Variants in DNAH17 observed in about 807,000 individuals in gnomAD.
The protein encoded by DNAH17 is dynein axonemal heavy chain 17, also known as axonemal beta dynein heavy chain 17.
Under a neutral mutation model 485.6 loss-of-function variants are expected in DNAH17, and 376 were observed. The ratio of observed to expected loss-of-function variants is 0.77; its 90% CI spans 0.71 to 0.84. The LOEUF (loss-of-function observed/expected upper bound fraction) is 0.84, where lower values mean the gene tolerates loss of function less well. Among genes scored for constraint, DNAH17 ranks in the 40% least tolerant of loss-of-function variants. The pLI is 0.00. For synonymous variants in DNAH17, 3,031 were observed against 2,405.9 expected, an observed-to-expected ratio of 1.26 and a Z score of -7.60; for missense variants, 6,370 against 5,839.3, an observed-to-expected ratio of 1.09 and a Z score of -2.96.
At chr17:78,468,198 A>G (rs756325620) in intron 55 of DNAH17, among the ~76,000 whole-genome samples, 6 of 152,122 alleles carry the variant, frequency 3.9e-5, no homozygotes, top group Non-Finnish European at 8.8e-5. Context: ...ATAAAAATAT[A>G]GTATAACAAC....
rs767925723 is a variant in DNAH17 at position 78,459,082 on chromosome 17, G to A, written c.9780C>T (p.Pro3260=). The A allele has an allele frequency of 3.7e-6, 6 of 1,614,018 alleles. No individual in the cohort carries two copies. The highest frequency in any genetic ancestry group is 1.7e-5 in the Admixed American group (1 of 60,028). ...RFYEVYCDVA[P]KRQALEEANA... is the part of the protein sequence containing the mutation. ...TAGCCTCCTCCAGTGCCTGCCTCTT[G>A]GGCGCCACGTCGCAGTAGACCTCGT... The change falls in exon 61 of 81, where the codon CCC becomes CCT. Residue 3260 remains proline, a synonymous_variant. Transcript: ENST00000389840.
intron 14 of DNAH17, among the ~76,000 whole-genome samples, chr17:78,556,349 C>G (rs2092023167): frequency 6.6e-6 from 1 of 152,224 alleles, no homozygotes; most frequent in East Asian, 1.9e-4. Context: ...GACAAGGAGA[C>G]AGACCATCCC....
rs745520605 is a variant in DNAH17, at chr17:78,530,368, G to C, written c.3259C>G (p.His1087Asp). ...IRRWGFMFKR[H>D]LSNHVTNSLA... ...CTGTTGGTGACGTGGTTGCTCAGGT[G>C]CCGCTTGAACATGAAGCCCCAGCGC... Residue 1087 changes from histidine to aspartate, a missense_variant, in exon 21 of 81, where the codon CAC becomes GAC. His to Asp is a moderately conservative substitution (Grantham distance 81). Transcript: ENST00000389840. 2 of 1,611,516 alleles carry C rather than the reference G, an allele frequency of 1.2e-6. No individual in the cohort carries two copies.
In DNAH17 at chr17:78,514,769, G is replaced by T; in HGVS notation, c.4113+5C>A. The T allele has an allele frequency of 6.2e-7, 1 of 1,613,312 alleles. No homozygotes were observed. The highest frequency in any genetic ancestry group is 8.5e-7 in the Non-Finnish European group (1 of 1,179,534). On this transcript the variant is annotated splice_donor_5th_base_variant and intron_variant, in intron 26 of 80. Transcript: ENST00000389840. The stretch of plus-strand genomic sequence containing the variant: ...GTCCCCTCCGCCCACCATGGTGCAT[G>T]GTACCTGGGTGGCCTGCATGAGCTG...
chr17:78,558,376 G>A, intron 13 of DNAH17, 122 bp from the exon 14 acceptor site: 1 of 1,229,220 alleles, frequency 8.1e-7, no homozygotes, highest in South Asian at 1.6e-5. Context: ...TCTCAAAGTT[G>A]GTGGGAGGCA....
chr17:78,528,681 C>T (rs868171110), intron 22 of DNAH17, among the ~76,000 whole-genome samples: 9 of 152,092 alleles, frequency 5.9e-5, no homozygotes, highest in Non-Finnish European at 1.2e-4. Context: ...CACACCTAGA[C>T]GTGGCTGGGA....
At chr17:78,527,095 G>C in intron 22 of DNAH17, 99 bp from the exon 23 acceptor site, 1 of 1,055,682 alleles carries the variant, frequency 9.5e-7, no homozygotes. Context: ...TGCAAAAACA[G>C]TGCAGGGGCC....
At chr17:78,563,555 C>T (rs1399661273) in intron 11 of DNAH17, among the ~76,000 whole-genome samples, 4 of 152,146 alleles carry the variant, frequency 2.6e-5, no homozygotes, top group South Asian at 2.1e-4. Flanking sequence ...TTTGAGGGGC[C>T]GAGGCGGGAG....
chr17:78,500,630 T>G (rs1313159396), intron 35 of DNAH17, 169 bp from the exon 36 acceptor site: 1 of 582,858 alleles, frequency 1.7e-6, no homozygotes, highest in African/African-American at 2.0e-5. Context: ...TGCCTCAGCC[T>G]CCCAAGTAGC....
chr17:78,559,939 T>C (rs1357110605), intron 13 of DNAH17, among the ~76,000 whole-genome samples: 1 of 152,128 alleles, frequency 6.6e-6, no homozygotes, highest in Non-Finnish European at 1.5e-5. Flanking sequence ...TCAGCGGCAC[T>C]CTGACCTCCC....
rs893635480 is a variant in DNAH17 at position 78,451,367 on chromosome 17, A to G, written c.10734+102T>C. On this transcript the variant is annotated intron_variant, in intron 66 of 80. Transcript: ENST00000389840. ...GGCACCTTCAGAGAGAAGCAACGAC[A>G]CACACTGGACTGGCAGCCCTGGTCG... 2.6e-5 allele frequency: 28 copies of G among 1,094,172 alleles called. No homozygotes were observed. In the African/African-American group the frequency reaches 3.8e-4, roughly 15 times the overall value. 67.8% of individuals were successfully genotyped at this position (1,094,172 alleles called of 1,614,324 possible). A position where few individuals can be genotyped will look rare whatever the true frequency, so the allele number is the denominator to read the frequency against.
chr17:78,571,333 C>T lies in DNAH17; in HGVS notation c.778G>A (p.Ala260Thr). 1 of 1,613,948 alleles carries T rather than the reference C, an allele frequency of 6.2e-7. No homozygotes were observed. The highest frequency in any genetic ancestry group is 8.5e-7 in the Non-Finnish European group (1 of 1,179,856). The change falls in exon 5 of 81, where the codon GCC (alanine) becomes ACC (threonine). Residue 260 changes from alanine to threonine, a missense_variant. Physicochemically the swap from Ala to Thr is moderately conservative, Grantham distance 58. Coordinates refer to ENST00000389840, the MANE Select transcript of DNAH17 (RefSeq NM_173628.4). ...VNKIVEILEK[A>T]KSCYWPALQN... The stretch of plus-strand genomic sequence containing the variant: ...AGGGCTGGCCAGTAGCAGCTTTTGG[C>T]TTTCTCTAGGATCTCAACAATCTTG...
chr17:78,529,538 C>T lies in DNAH17; in HGVS notation c.3441G>A (p.Lys1147=), dbSNP rs775946961. The change falls in exon 22 of 81, where the codon AAG becomes AAA. Residue 1147 remains lysine, a synonymous_variant. Coordinates refer to ENST00000389840, the MANE Select transcript of DNAH17 (RefSeq NM_173628.4). ...AGGTCTTGAGCAGCTCGATGGTTTG[C>T]TTCAGGGGCTCAAACATGTTGTCGG... ...AATDNMFEPL[K]QTIELLKTYG... 6.2e-7 allele frequency: 1 copy of T among 1,613,978 alleles called. No individual in the cohort carries two copies. Among genetic ancestry groups the T allele is most frequent in the South Asian group, 1.1e-5 (1 of 91,072 alleles).
intron 37 of DNAH17, among the ~76,000 whole-genome samples, chr17:78,498,359 G>T (rs927901384): frequency 6.6e-6 from 1 of 152,122 alleles, no homozygotes; most frequent in African/African-American, 2.4e-5. Flanking sequence ...AGGCCGCTAG[G>T]TCGGCCTCCA....
chr17:78,425,756 C>CTTTTTTTTTTTTTTTTTTTTTTTTTT (rs71160294), intron 79 of DNAH17, among the ~76,000 whole-genome samples, 185 bp from the exon 80 acceptor site: 1 of 120,742 alleles, frequency 8.3e-6, no homozygotes, highest in African/African-American at 3.8e-5. Flanking sequence ...TTGGTGTCTG[C>CTTTTTTTTTTTTTTTTTTTTTTTTTT]TTTTTTTTTT....
chr17:78,545,160 T>A (rs926290394), intron 16 of DNAH17, among the ~76,000 whole-genome samples: 9 of 152,306 alleles, frequency 5.9e-5, no homozygotes, highest in African/African-American at 2.2e-4. Flanking sequence ...GCCTCCCTCC[T>A]CTGGCCAGTG....
At chr17:78,548,710 A>G (rs1166487508) in intron 16 of DNAH17, among the ~76,000 whole-genome samples, 1 of 152,192 alleles carries the variant, frequency 6.6e-6, no homozygotes, top group Non-Finnish European at 1.5e-5. Context: ...CCAAACAGGA[A>G]TTGTTGATTC....
chr17:78,553,186 C>T (rs897718114), intron 14 of DNAH17, among the ~76,000 whole-genome samples: 2 of 151,898 alleles, frequency 1.3e-5, no homozygotes, highest in Admixed American at 6.6e-5. Flanking sequence ...TGAGGTCCCC[C>T]CAGAAACAGA....
Position 78,574,800 on chromosome 17 carries a change from G to GT in DNAH17, c.257dup (p.Asn86LysfsTer40). 6.2e-7 allele frequency: 1 copy of GT among 1,614,028 alleles called. No homozygotes were observed. The highest frequency in any genetic ancestry group is 1.3e-5 in the African/African-American group (1 of 75,056). On this transcript the variant is annotated frameshift_variant, in exon 2 of 81. Coordinates refer to ENST00000389840, the MANE Select transcript of DNAH17 (RefSeq NM_173628.4). LOFTEE classifies it high-confidence loss of function. ...GGGCCCTGTAGTTGTCCTTGTTGAT[G>GT]TTCTCGGACTTTGTCTTGATGAAGT...
Sources: gnomAD v4.1 joint callset for allele counts (sites outside exome capture counted in the v4.1 genomes callset) on GRCh38, gnomAD v4.1.1 for gene constraint, MANE v1.5 for transcripts, NCBI Gene and HGNC (gene_info 2026-07-23, HGNC 2026-07-21) for gene names.